Variants in LEF1 observed in about 807,000 individuals in gnomAD.
The protein encoded by LEF1 is lymphoid enhancer-binding factor 1.
A neutral mutation model predicts 51.2 loss-of-function variants in LEF1; 14 were observed. The observed-to-expected ratio is 0.27, with a 90% confidence interval of 0.18 to 0.43. LEF1 has a LOEUF of 0.43. Among genes scored for constraint, LEF1 ranks in the 20% least tolerant of loss-of-function variants. LEF1 has a pLI of 1.00. For synonymous variants in LEF1, 185 were observed against 183.2 expected, an observed-to-expected ratio of 1.01 and a Z score of -0.08; for missense variants, 386 against 512.0, an observed-to-expected ratio of 0.75 and a Z score of 2.37.
intron 8 of LEF1, 65 bp from the exon 9 acceptor site, chr4:108,070,835 T>C: frequency 9.2e-7 from 1 of 1,083,746 alleles, no homozygotes. Flanking sequence ...TATTTTATGT[T>C]TCAAAAATCA....
chr4:108,051,444 CCA>C (rs1048344188), intron 11 of LEF1, among the ~76,000 whole-genome samples: 2 of 152,172 alleles, frequency 1.3e-5, no homozygotes, highest in African/African-American at 4.8e-5. Flanking sequence ...TTTCAAGAAA[CCA>C]CAGGCATGAG....
At chr4:108,086,748 A>G (rs1739670023) in intron 4 of LEF1, among the ~76,000 whole-genome samples, 1 of 151,962 alleles carries the variant, frequency 6.6e-6, no homozygotes, top group Non-Finnish European at 1.5e-5. Flanking sequence ...GATTTCCTAA[A>G]AGCGCTTTCC....
chr4:108,052,746 G>A (rs1348122288), intron 11 of LEF1, among the ~76,000 whole-genome samples: 2 of 152,106 alleles, frequency 1.3e-5, no homozygotes, highest in East Asian at 3.9e-4. Flanking sequence ...TGTTCCCCAG[G>A]CCTCCTGGCA....
rs574213281 is a variant in LEF1, at chr4:108,048,282, A to G, written c.*476T>C. 6.2e-6 allele frequency: 1 copy of G among 162,402 alleles called. No homozygotes were observed. Among genetic ancestry groups the G allele is most frequent in the South Asian group, 2.0e-4 (1 of 4,900 alleles). 10.1% of individuals were successfully genotyped at this position (162,402 alleles called of 1,614,324 possible). On this transcript the variant is annotated 3_prime_UTR_variant, in exon 12 of 12. Transcript: ENST00000265165. ...AAAATGAAGCAGAAACAAAGAGGGA[A>G]CTCTTCCATGAACTCCTCCACTGGG...
At chr4:108,128,563 T>C (rs9992744) in intron 3 of LEF1, among the ~76,000 whole-genome samples, 68,869 of 151,606 alleles carry the variant, frequency 0.45, 17,473 homozygotes, top group Middle Eastern at 0.68. Flanking sequence ...AGACTTTCTT[T>C]TGCCCTTTGG....
At chr4:108,164,754 G>T (rs781187905) in intron 2 of LEF1, among the ~76,000 whole-genome samples, 1 of 151,956 alleles carries the variant, frequency 6.6e-6, no homozygotes, top group African/African-American at 2.4e-5. Flanking sequence ...ATATACTGTC[G>T]TTCTTCTTAA....
intron 5 of LEF1, 198 bp downstream of exon 5, chr4:108,083,158 C>A: frequency 1.7e-6 from 1 of 578,858 alleles, no homozygotes. Context: ...CCCATATTAG[C>A]AAACGGATCA....
chr4:108,053,216 ATAAGT>A (rs1737118357), intron 11 of LEF1, among the ~76,000 whole-genome samples: 1 of 152,230 alleles, frequency 6.6e-6, no homozygotes, highest in South Asian at 2.1e-4. Context: ...AAACAAACGC[ATAAGT>A]TAACTTTGAA....
chr4:108,121,497 TAC>T (rs1270466337), intron 3 of LEF1, among the ~76,000 whole-genome samples: 4 of 152,130 alleles, frequency 2.6e-5, no homozygotes. Context: ...TGAGGAAAAA[TAC>T]AGATACCAAT....
chr4:108,120,562 T>C lies in LEF1; in HGVS notation c.415-31305A>G, dbSNP rs1429438107. Reference sequence around the variant, plus strand: ...GTAATTTTTTAAAGGTCAGCTGCAATGTGGAATCTGAAACCATCAGTGAAC... The same window carrying C: ...GTAATTTTTTAAAGGTCAGCTGCAACGTGGAATCTGAAACCATCAGTGAAC... On this transcript the variant is annotated intron_variant, in intron 3 of 11. Coordinates refer to ENST00000265165, the MANE Select transcript of LEF1 (RefSeq NM_016269.5). Among the ~76,000 whole-genome samples the C allele has an allele frequency of 3.3e-5, 5 of 152,206 alleles. No individual in the cohort carries two copies. In the East Asian group the frequency reaches 7.7e-4, roughly 23 times the overall value.
At chr4:108,122,361 C>T (rs915796850) in intron 3 of LEF1, among the ~76,000 whole-genome samples, 10 of 152,046 alleles carry the variant, frequency 6.6e-5, no homozygotes, top group Non-Finnish European at 1.0e-4. Flanking sequence ...TTGATCATGG[C>T]GTATTTTTTT....
At chr4:108,070,353 T>A (rs1277005635) in intron 9 of LEF1, 1 of 196,204 alleles carries the variant, frequency 5.1e-6, no homozygotes, top group Non-Finnish European at 1.0e-5. Context: ...TAGTTATTAC[T>A]AATGTTGCCT....
At chr4:108,166,788 C>T in intron 1 of LEF1, 1 of 986,156 alleles carries the variant, frequency 1.0e-6, no homozygotes, top group Non-Finnish European at 1.2e-6. Flanking sequence ...GTCCCAAACC[C>T]CAAATAAAAG....
chr4:108,149,628 T>TAC (rs1744241069), intron 3 of LEF1, among the ~76,000 whole-genome samples: 2 of 147,818 alleles, frequency 1.4e-5, no homozygotes, highest in Admixed American at 6.9e-5. Context: ...TACATGTGTA[T>TAC]ATATATGTAC....
At chr4:108,149,445 C>T (rs1419829304) in intron 3 of LEF1, among the ~76,000 whole-genome samples, 1 of 94,674 alleles carries the variant, frequency 1.1e-5, no homozygotes, top group East Asian at 2.4e-4. Context: ...GGCGACAGAG[C>T]GAGACTCCGT....
At chr4:108,090,299 T>G (rs1739933625) in intron 3 of LEF1, among the ~76,000 whole-genome samples, 1 of 152,178 alleles carries the variant, frequency 6.6e-6, no homozygotes, top group African/African-American at 2.4e-5. Flanking sequence ...TTAATAATAT[T>G]TTTAATTGTT....
At chr4:108,055,565 A>G (rs1737257473) in intron 11 of LEF1, among the ~76,000 whole-genome samples, 3 of 152,244 alleles carry the variant, frequency 2.0e-5, no homozygotes, top group Admixed American at 2.0e-4. Context: ...CTCAGTAACA[A>G]ACAGTTCTAT....
intron 8 of LEF1, among the ~76,000 whole-genome samples, chr4:108,075,849 C>G (rs1438645368): frequency 6.6e-6 from 1 of 152,142 alleles, no homozygotes; most frequent in South Asian, 2.1e-4. Context: ...AACCCAGAAA[C>G]CTGGCAGGTG....
chr4:108,057,814 A>T (rs988134277), intron 11 of LEF1, among the ~76,000 whole-genome samples: 1 of 152,134 alleles, frequency 6.6e-6, no homozygotes, highest in African/African-American at 2.4e-5. Context: ...GGCCCTAGGG[A>T]AATAAAGGCT....
Sources: gnomAD v4.1 joint callset for allele counts (sites outside exome capture counted in the v4.1 genomes callset) on GRCh38, gnomAD v4.1.1 for gene constraint, MANE v1.5 for transcripts, NCBI Gene and HGNC (gene_info 2026-07-23, HGNC 2026-07-21) for gene names.